The following PLXDC2 variants were observed in gnomAD, a reference collection of about 807,000 sequenced individuals.
PLXDC2 encodes plexin domain containing 2.
Under a neutral mutation model 68.9 loss-of-function variants are expected in PLXDC2, and 40 were observed. The ratio of observed to expected loss-of-function variants is 0.58; its 90% CI spans 0.45 to 0.76. The LOEUF is 0.76. Ranked by LOEUF, PLXDC2 falls within the 30% of genes least tolerant of loss-of-function variation. PLXDC2 has a pLI of 0.00. For synonymous variants in PLXDC2, 243 were observed against 234.2 expected, an observed-to-expected ratio of 1.04 and a Z score of -0.34; for missense variants, 644 against 661.9, an observed-to-expected ratio of 0.97 and a Z score of 0.30.
At chr10:20,039,204 T>C in intron 2 of PLXDC2, among the ~76,000 whole-genome samples, 1 of 152,168 alleles carries the variant, frequency 6.6e-6, no homozygotes, top group Admixed American at 6.6e-5. Context: ...GTGTGTCCAG[T>C]TTACTGTCGA....
rs935262606 is a variant in PLXDC2 at position 20,100,108 on chromosome 10, A to G, written c.541+31869A>G. On this transcript the variant is annotated intron_variant, in intron 4 of 13. Transcript: ENST00000377252. Reference sequence around the variant, plus strand: ...AGCAAAATATGCCCTTCTTGTCACTACACAATAAGAGCACAAACTTTAAAA... The same window carrying G: ...AGCAAAATATGCCCTTCTTGTCACTGCACAATAAGAGCACAAACTTTAAAA... 1.2e-4 allele frequency among the ~76,000 whole-genome samples: 18 copies of G among 152,184 alleles called. 1 individual carries two copies. Among genetic ancestry groups the G allele is most frequent in the Admixed American group, 3.9e-4 (6 of 15,278 alleles).
intron 4 of PLXDC2, among the ~76,000 whole-genome samples, chr10:20,072,474 G>GA: frequency 1.3e-5 from 1 of 79,088 alleles, no homozygotes; most frequent in Non-Finnish European, 2.7e-5. Flanking sequence ...AAGAAAGAAA[G>GA]AAGGAACAAA....
At chr10:20,064,862 G>A (rs1174457445) in intron 3 of PLXDC2, among the ~76,000 whole-genome samples, 1 of 150,946 alleles carries the variant, frequency 6.6e-6, no homozygotes, top group Non-Finnish European at 1.5e-5. Context: ...AATGATTCCG[G>A]GCATGTTTTT....
intron 1 of PLXDC2, among the ~76,000 whole-genome samples, chr10:19,941,769 T>C (rs1220776190): frequency 6.6e-6 from 1 of 152,164 alleles, no homozygotes; most frequent in Non-Finnish European, 1.5e-5. Context: ...CTTCTTTCTC[T>C]TTTCTCCCCC....
At chr10:20,121,274 G>A (rs958901094) in intron 4 of PLXDC2, among the ~76,000 whole-genome samples, 5 of 152,162 alleles carry the variant, frequency 3.3e-5, no homozygotes, top group African/African-American at 1.2e-4. Flanking sequence ...TGATGGCTAG[G>A]CTAAAACAGG....
chr10:20,134,457 G>A (rs1045321342), intron 4 of PLXDC2, among the ~76,000 whole-genome samples: 1 of 152,126 alleles, frequency 6.6e-6, no homozygotes, highest in African/African-American at 2.4e-5. Context: ...GGAGTTTTTG[G>A]GCAGGCTGGC....
intron 1 of PLXDC2, among the ~76,000 whole-genome samples, chr10:19,922,974 T>C (rs1474174520): frequency 6.6e-6 from 1 of 152,230 alleles, no homozygotes; most frequent in Non-Finnish European, 1.5e-5. Flanking sequence ...GAGACTTTTG[T>C]GATTTCAAAG....
chr10:20,213,923 T>G (rs1417399681), intron 10 of PLXDC2, among the ~76,000 whole-genome samples: 2 of 152,142 alleles, frequency 1.3e-5, no homozygotes, highest in Non-Finnish European at 2.9e-5. Context: ...TTTTTAAACC[T>G]CTATTATATG....
At chr10:19,875,794 A>G (rs1837619205) in intron 1 of PLXDC2, among the ~76,000 whole-genome samples, 1 of 152,232 alleles carries the variant, frequency 6.6e-6, no homozygotes, top group African/African-American at 2.4e-5. Context: ...AAAATAAAAT[A>G]AAATACGAGC....
intron 1 of PLXDC2, among the ~76,000 whole-genome samples, chr10:19,988,639 C>T (rs959229400): frequency 1.3e-5 from 2 of 151,994 alleles, no homozygotes; most frequent in Admixed American, 1.3e-4. Flanking sequence ...TTCATATTCT[C>T]ACTGTACAGG....
chr10:19,818,600 C>A (rs1200372931), intron 1 of PLXDC2, among the ~76,000 whole-genome samples: 1 of 152,082 alleles, frequency 6.6e-6, no homozygotes, highest in Non-Finnish European at 1.5e-5. Context: ...ATGCAGATTT[C>A]TTGGGTGTTG....
intron 1 of PLXDC2, among the ~76,000 whole-genome samples, chr10:19,910,472 C>T (rs1319369036): frequency 7.3e-5 from 11 of 151,670 alleles, no homozygotes; most frequent in African/African-American, 1.5e-4. Context: ...TGTGGGATTA[C>T]GGATCTGGTG....
At chr10:20,228,457 G>A (rs895792484) in intron 12 of PLXDC2, among the ~76,000 whole-genome samples, 2 of 152,102 alleles carry the variant, frequency 1.3e-5, no homozygotes, top group African/African-American at 4.8e-5. Flanking sequence ...AACTACTGGG[G>A]AGGCTGAGGT....
intron 1 of PLXDC2, among the ~76,000 whole-genome samples, chr10:19,909,292 C>A (rs954044292): frequency 1.3e-5 from 2 of 152,152 alleles, no homozygotes; most frequent in Non-Finnish European, 2.9e-5. Flanking sequence ...AATCTCATTT[C>A]TTTGTTTAGA....
At chr10:20,000,289 TG>T (rs1278375438) in intron 1 of PLXDC2, among the ~76,000 whole-genome samples, 25 of 152,254 alleles carry the variant, frequency 1.6e-4, no homozygotes, top group African/African-American at 5.8e-4. Flanking sequence ...TGTTTTGTTT[TG>T]TTTTTTTAGC....
intron 1 of PLXDC2, among the ~76,000 whole-genome samples, chr10:19,941,085 A>G (rs536947217): frequency 6.6e-6 from 1 of 152,354 alleles, no homozygotes; most frequent in South Asian, 2.1e-4. Flanking sequence ...CTTCATCCCT[A>G]GTGGAATTTC....
At chr10:19,824,287 A>G (rs569136084) in intron 1 of PLXDC2, among the ~76,000 whole-genome samples, 2 of 152,244 alleles carry the variant, frequency 1.3e-5, no homozygotes, top group South Asian at 4.2e-4. Flanking sequence ...TTTGTGGCCC[A>G]CCTCCAACAA....
At chr10:20,252,979 A>G (rs903642507) in intron 13 of PLXDC2, among the ~76,000 whole-genome samples, 7 of 147,726 alleles carry the variant, frequency 4.7e-5, no homozygotes, top group African/African-American at 1.7e-4. Context: ...TCCTTATTTT[A>G]TCATAGAACT....
At chr10:20,195,116 G>A (rs1284067012) in intron 9 of PLXDC2, among the ~76,000 whole-genome samples, 1 of 151,964 alleles carries the variant, frequency 6.6e-6, no homozygotes, top group Admixed American at 6.6e-5. Flanking sequence ...CCTTAAGCAG[G>A]AGGAACATTT....
Sources: gnomAD v4.1 joint callset for allele counts (sites outside exome capture counted in the v4.1 genomes callset) on GRCh38, gnomAD v4.1.1 for gene constraint, MANE v1.5 for transcripts, NCBI Gene and HGNC (gene_info 2026-07-23, HGNC 2026-07-21) for gene names.